The following RERE variants were observed in gnomAD, a reference collection of about 807,000 sequenced individuals.
RERE encodes arginine-glutamic acid dipeptide repeats protein.
A neutral mutation model predicts 146.1 loss-of-function variants in RERE; 40 were observed. That is an observed-to-expected ratio of 0.27 (90% CI 0.21 to 0.36). The LOEUF is 0.36. Among genes scored for constraint, RERE ranks in the 10% least tolerant of loss-of-function variants. RERE has a pLI of 1.00. For missense variants in RERE, 1,933 were observed against 2,138.7 expected (o/e 0.90, Z 1.90); for synonymous variants, 1,003 against 866.0 (o/e 1.16, Z -2.78).
intron 1 of RERE, among the ~76,000 whole-genome samples, chr1:8,748,117 A>AC (rs1413298021): frequency 4.6e-5 from 7 of 152,168 alleles, no homozygotes; most frequent in African/African-American, 1.7e-4. Context: ...ATACAACTAC[A>AC]CATAATTTCG....
At position 8,614,533 on chromosome 1, in the gene RERE, T is replaced by G. The variant is rs184626924; in HGVS notation, c.522+28A>C. On this transcript the variant is annotated intron_variant, in intron 4 of 22. Coordinates refer to ENST00000400908, the MANE Select transcript of RERE (RefSeq NM_001042681.2). ...TACCCTATGGGATATAAAATACTGA[T>G]AGCTTTTAAAAACGGGATTCTCCTT... 6.1e-3 allele frequency: 9,825 copies of G among 1,598,414 alleles called. 72 individuals carry two copies. The highest frequency in any genetic ancestry group is 0.023 in the Middle Eastern group (134 of 5,926).
intron 11 of RERE, among the ~76,000 whole-genome samples, chr1:8,430,924 G>A (rs980570033): frequency 1.9e-4 from 29 of 152,324 alleles, no homozygotes; most frequent in African/African-American, 5.3e-4. Flanking sequence ...AACAGAGTGC[G>A]TGTGAGCTGC....
intron 1 of RERE, among the ~76,000 whole-genome samples, chr1:8,672,564 C>G (rs1043335672): frequency 6.6e-6 from 1 of 152,202 alleles, no homozygotes; most frequent in African/African-American, 2.4e-5. Context: ...CAGTATTATT[C>G]CATCACTTTC....
At chr1:8,416,395 T>C (rs2708625) in intron 12 of RERE, among the ~76,000 whole-genome samples, 29,534 of 151,728 alleles carry the variant, frequency 0.19, 3,355 homozygotes, top group Middle Eastern at 0.38. Context: ...ACCATCCTGG[T>C]TAACATGGTG....
intron 1 of RERE, among the ~76,000 whole-genome samples, chr1:8,691,388 T>A (rs981935215): frequency 1.3e-4 from 20 of 152,200 alleles, no homozygotes; most frequent in Non-Finnish European, 2.6e-4. Flanking sequence ...TGGGAACCCC[T>A]TTATAAACCA....
intron 3 of RERE, among the ~76,000 whole-genome samples, chr1:8,617,072 C>T (rs369524797): frequency 6.6e-6 from 1 of 152,014 alleles, no homozygotes; most frequent in African/African-American, 2.4e-5. Flanking sequence ...TTGCTTGATG[C>T]GGTGGTTCAT....
intron 1 of RERE, among the ~76,000 whole-genome samples, chr1:8,797,433 T>C (rs2124584960): frequency 6.6e-6 from 1 of 152,046 alleles, no homozygotes; most frequent in African/African-American, 2.4e-5. Context: ...AGATCATTAT[T>C]GTTCTTAAGG....
rs565556499 is a variant in RERE, at chr1:8,634,088, CAA to C, written c.326-9710_326-9709del. On this transcript the variant is annotated intron_variant, in intron 2 of 22. Coordinates refer to ENST00000400908, the MANE Select transcript of RERE (RefSeq NM_001042681.2). The stretch of plus-strand genomic sequence containing the variant: ...AGAGACACCCTTTTCATTCAGCAAG[CAA>C]AGTCTGCTCACCTGGCTTTGTTTCT... 8.5e-5 allele frequency among the ~76,000 whole-genome samples: 13 copies of C among 152,288 alleles called. No homozygotes were observed. The South Asian group carries it at 2.7e-3, about 32-fold the overall frequency.
intron 10 of RERE, among the ~76,000 whole-genome samples, chr1:8,492,554 T>C (rs1012144314): frequency 6.6e-6 from 1 of 151,680 alleles, no homozygotes; most frequent in Non-Finnish European, 1.5e-5. Flanking sequence ...GACCAGGAGT[T>C]TGAAATCAGC....
chr1:8,483,071 A>G (rs2124188053), intron 10 of RERE, among the ~76,000 whole-genome samples: 1 of 152,244 alleles, frequency 6.6e-6, no homozygotes, highest in East Asian at 1.9e-4. Context: ...AGGCTGATTT[A>G]TATGATGTGC....
rs1194196859 is a variant in RERE, at chr1:8,815,350, TAATC to T, written c.-145+1806_-145+1809del. On this transcript the variant is annotated intron_variant, in intron 1 of 22. Coordinates refer to ENST00000400908, the MANE Select transcript of RERE (RefSeq NM_001042681.2). Reference sequence around the variant, plus strand: ...AACCTCAATACAACCTTTATAATATTAATCAATAAAATCTATTTCTATCTAGAAA... The same window carrying T: ...AACCTCAATACAACCTTTATAATATTAATAAAATCTATTTCTATCTAGAAA... 4.6e-5 allele frequency among the ~76,000 whole-genome samples: 7 copies of T among 152,304 alleles called. No individual in the cohort carries two copies. The East Asian group carries it at 9.6e-4, about 21-fold the overall frequency.
intron 10 of RERE, among the ~76,000 whole-genome samples, chr1:8,479,340 A>G (rs1644802187): frequency 6.6e-6 from 1 of 151,802 alleles, no homozygotes; most frequent in African/African-American, 2.4e-5. Context: ...TAAGTAATAT[A>G]TTTTAGTAAT....
intron 1 of RERE, among the ~76,000 whole-genome samples, chr1:8,766,439 C>T (rs1640846896): frequency 1.3e-5 from 2 of 151,224 alleles, no homozygotes; most frequent in South Asian, 4.2e-4. Context: ...ACTCAGGAGG[C>T]TGACGTGGGA....
At chr1:8,526,202 T>C (rs1341146520) in intron 7 of RERE, among the ~76,000 whole-genome samples, 1 of 151,890 alleles carries the variant, frequency 6.6e-6, no homozygotes, top group Non-Finnish European at 1.5e-5. Flanking sequence ...TTCAGTTAAA[T>C]GCCCTGCTCT....
chr1:8,361,048 G>A lies in RERE; in HGVS notation c.2459C>T (p.Pro820Leu), dbSNP rs1178039032. ...AGGCTGCAGCGGGGGATGTGGCGAG[G>A]GATGCGGCGGGGGATGCGGTGAGGG... is the stretch of plus-strand genomic sequence containing the variant. ...RPPSPHPPPHPSPHPPLQPLT... is the reference protein window; with the variant it reads ...RPPSPHPPPHLSPHPPLQPLT... Residue 820 changes from proline to leucine, a missense_variant, in exon 18 of 23, where the codon CCC becomes CTC. Transcript: ENST00000400908. The A allele has an allele frequency of 7.0e-7, 1 of 1,437,866 alleles. No homozygotes were observed. The highest frequency in any genetic ancestry group is 1.5e-5 in the South Asian group (1 of 67,576). 89.1% of individuals were successfully genotyped at this position (1,437,866 alleles called of 1,614,324 possible).
intron 11 of RERE, among the ~76,000 whole-genome samples, chr1:8,446,766 C>T (rs920683325): frequency 5.9e-5 from 9 of 152,190 alleles, no homozygotes; most frequent in East Asian, 3.9e-4. Flanking sequence ...GCTCCGCCTC[C>T]GGGTTCACGC....
chr1:8,510,756 A>AAT (rs1645324356), intron 7 of RERE, among the ~76,000 whole-genome samples: 1 of 146,020 alleles, frequency 6.8e-6, no homozygotes, highest in African/African-American at 2.4e-5. Flanking sequence ...GTATCATTTC[A>AAT]GAAACCTTCA....
At chr1:8,675,207 T>C (rs1014242463) in intron 1 of RERE, among the ~76,000 whole-genome samples, 6 of 151,922 alleles carry the variant, frequency 3.9e-5, no homozygotes, top group Non-Finnish European at 7.4e-5. Flanking sequence ...TTTCAGCAAC[T>C]GGTAAATTAC....
chr1:8,709,784 T>G, intron 1 of RERE, among the ~76,000 whole-genome samples: 1 of 152,156 alleles, frequency 6.6e-6, no homozygotes, highest in East Asian at 1.9e-4. Flanking sequence ...TACAACAAAC[T>G]TCTTTGTGCA....
Sources: gnomAD v4.1 joint callset for allele counts (sites outside exome capture counted in the v4.1 genomes callset) on GRCh38, gnomAD v4.1.1 for gene constraint, MANE v1.5 for transcripts, NCBI Gene and HGNC (gene_info 2026-07-23, HGNC 2026-07-21) for gene names.